RASEF: variants seen among roughly 807,000 people sequenced by gnomAD.
RASEF encodes the protein ras and EF-hand domain-containing protein.
A neutral mutation model predicts 90.1 loss-of-function variants in RASEF; 68 were observed. The observed-to-expected ratio is 0.75, with a 90% CI of 0.62 to 0.92. RASEF has a LOEUF of 0.92. RASEF is among the 40% of genes least tolerant of loss of function. RASEF has a pLI of 0.00. For synonymous variants in RASEF, 331 were observed against 345.2 expected (o/e 0.96, Z 0.46); for missense variants, 949 against 937.2 (o/e 1.01, Z -0.16).
At chr9:83,206,098 T>C in the RASEF span, among the ~76,000 whole-genome samples, 1 of 152,244 alleles carries the variant, frequency 6.6e-6, no homozygotes, top group African/African-American at 2.4e-5. Context: ...AAGCATATTT[T>C]AATAATTTGT....
chr9:83,117,201 G>T, the RASEF span, among the ~76,000 whole-genome samples: 1 of 152,292 alleles, frequency 6.6e-6, no homozygotes, highest in East Asian at 1.9e-4. Context: ...CAGACTGATA[G>T]CCTTGGGGAA....
the RASEF span, among the ~76,000 whole-genome samples, chr9:83,135,311 C>A: frequency 6.6e-6 from 1 of 151,634 alleles, no homozygotes; most frequent in African/African-American, 2.4e-5. Context: ...AACACTTGGA[C>A]ACAGGAAGGG....
At chr9:83,008,743 C>T (rs1168586237) in intron 6 of RASEF, among the ~76,000 whole-genome samples, 4 of 151,750 alleles carry the variant, frequency 2.6e-5, no homozygotes, top group Non-Finnish European at 1.5e-5. Context: ...CTCTTCTGAA[C>T]TAAAACAAAA....
the RASEF span, among the ~76,000 whole-genome samples, chr9:83,139,417 TA>T: frequency 1.3e-5 from 2 of 152,218 alleles, no homozygotes; most frequent in African/African-American, 4.8e-5. Context: ...GCAGAAGCCT[TA>T]CTGATAACAT....
rs1174147161 is a variant in RASEF, at chr9:83,017,321, TA to T, written c.670-1422del. On this transcript the variant is annotated intron_variant, in intron 3 of 16. Coordinates refer to ENST00000376447, the MANE Select transcript of RASEF (RefSeq NM_152573.4). The stretch of plus-strand genomic sequence containing the variant: ...TAACACGGTGAAACCTCGTCTCTAC[TA>T]AAAAAAAAAAAAAAAAAAAAGAAAG... 4.4e-3 allele frequency among the ~76,000 whole-genome samples: 569 copies of T among 128,206 alleles called. 4 individuals carry two copies. Among genetic ancestry groups the T allele is most frequent in the African/African-American group, 0.012 (409 of 34,426 alleles). 84.1% of individuals were successfully genotyped at this position (128,206 alleles called of 152,430 possible). A position where few individuals can be genotyped will look rare whatever the true frequency, so the allele number is the denominator to read the frequency against.
chr9:83,091,870 G>A, the RASEF span, among the ~76,000 whole-genome samples: 1 of 152,106 alleles, frequency 6.6e-6, no homozygotes, highest in Non-Finnish European at 1.5e-5. Flanking sequence ...AAAATTTTGA[G>A]ATGTTATTTT....
Position 82,982,728 on chromosome 9 carries a change from G to A in RASEF, c.2172C>T (p.Thr724=), listed in dbSNP as rs750742283. The change falls in exon 17 of 17, where the codon ACC becomes ACT. Residue 724 remains threonine (T), a synonymous_variant. Coordinates refer to ENST00000376447, the MANE Select transcript of RASEF (RefSeq NM_152573.4). ...KDDSRSITNL[T]GTNSKKSPQM... ...GTGGTGACTTTTTGGAATTGGTCCC[G>A]GTTAGATTGGTAATGGATCTGCTGT... 38 of 1,611,124 alleles carry A rather than the reference G, an allele frequency of 2.4e-5. No homozygotes were observed. The East Asian group carries it at 2.7e-4, about 11-fold the overall frequency.
chr9:83,087,353 C>T, the RASEF span, among the ~76,000 whole-genome samples: 11 of 148,762 alleles, frequency 7.4e-5, no homozygotes, highest in African/African-American at 2.7e-4. Flanking sequence ...GGGAGTAGTG[C>T]CTTTATCAGA....
chr9:83,064,536 C>G, upstream of RASEF, among the ~76,000 whole-genome samples: 1 of 152,248 alleles, frequency 6.6e-6, no homozygotes, highest in Middle Eastern at 3.4e-3. Flanking sequence ...ACTTATTAAA[C>G]TAAATCTTTG....
the RASEF span, among the ~76,000 whole-genome samples, chr9:83,100,906 G>C: frequency 6.6e-6 from 1 of 152,090 alleles, no homozygotes; most frequent in Non-Finnish European, 1.5e-5. Context: ...GTAAATGTTA[G>C]TTCAGTTACA....
the RASEF span, among the ~76,000 whole-genome samples, chr9:83,195,608 T>A: frequency 2.6e-5 from 4 of 152,096 alleles, no homozygotes; most frequent in African/African-American, 9.7e-5. Context: ...TTTTCTGCCC[T>A]CATGGAGCTT....
At chr9:83,049,390 T>C (rs936472193) in intron 1 of RASEF, 60 of 932,154 alleles carry the variant, frequency 6.4e-5, no homozygotes, top group Non-Finnish European at 6.4e-5. Flanking sequence ...CATGGCTATC[T>C]TGAACACATT....
the RASEF span, among the ~76,000 whole-genome samples, chr9:83,092,511 G>C: frequency 6.6e-6 from 1 of 151,738 alleles, no homozygotes; most frequent in African/African-American, 2.4e-5. Context: ...GGAGTTGTTC[G>C]TTCCTCCCGG....
the RASEF span, among the ~76,000 whole-genome samples, chr9:83,110,847 A>C: frequency 9.2e-5 from 14 of 152,268 alleles, no homozygotes; most frequent in African/African-American, 3.4e-4. Flanking sequence ...AGGAATCAGG[A>C]AAAAGAAAAA....
chr9:83,159,701 T>G, the RASEF span, among the ~76,000 whole-genome samples: 44 of 152,214 alleles, frequency 2.9e-4, no homozygotes, highest in African/African-American at 1.0e-3. Context: ...TTGAAAAAAT[T>G]TTCAAAATAA....
the RASEF span, among the ~76,000 whole-genome samples, chr9:83,101,904 G>A: frequency 6.6e-6 from 1 of 152,124 alleles, no homozygotes. Context: ...CGGCACTATA[G>A]CTCACGCCTG....
chr9:83,208,583 C>G, the RASEF span, among the ~76,000 whole-genome samples: 5 of 152,164 alleles, frequency 3.3e-5, no homozygotes, highest in Non-Finnish European at 5.9e-5. Flanking sequence ...ATTTCCTGTT[C>G]TGTCATATTG....
At chr9:83,175,615 C>G in the RASEF span, among the ~76,000 whole-genome samples, 1 of 151,562 alleles carries the variant, frequency 6.6e-6, no homozygotes, top group Non-Finnish European at 1.5e-5. Context: ...GAGTCTCACT[C>G]TGTTGCCCAG....
At chr9:83,144,196 C>T in the RASEF span, among the ~76,000 whole-genome samples, 183 of 151,378 alleles carry the variant, frequency 1.2e-3, 1 homozygote, top group African/African-American at 4.0e-3. Context: ...AAGGGAGGCA[C>T]GGGGTTGTAG....
Sources: gnomAD v4.1 joint callset for allele counts (sites outside exome capture counted in the v4.1 genomes callset) on GRCh38, gnomAD v4.1.1 for gene constraint, MANE v1.5 for transcripts, NCBI Gene and HGNC (gene_info 2026-07-23, HGNC 2026-07-21) for gene names.